Variants in LDB2 observed in about 807,000 individuals in gnomAD.
LDB2 encodes LIM domain binding 2, also known as LIM domain-binding protein 2.
In LDB2, 12 loss-of-function variants were observed where a neutral mutation model predicts 44.3. The observed-to-expected ratio is 0.27, with a 90% CI of 0.17 to 0.44. The LOEUF (loss-of-function observed/expected upper bound fraction) is 0.44, where lower values mean the gene tolerates loss of function less well. Among genes scored for constraint, LDB2 ranks in the 20% least tolerant of loss-of-function variants. The probability of loss-of-function intolerance (pLI) is 1.00; values close to 1 mark genes in which losing one functional copy is unlikely to be tolerated. For missense variants in LDB2, 344 were observed against 473.5 expected (o/e 0.73, Z 2.54); for synonymous variants, 164 against 174.8 (o/e 0.94, Z 0.49).
At chr4:16,600,944 GC>G (rs1319581930) in intron 2 of LDB2, among the ~76,000 whole-genome samples, 1 of 152,026 alleles carries the variant, frequency 6.6e-6, no homozygotes, top group Non-Finnish European at 1.5e-5. Context: ...CAGAAGGTCT[GC>G]CTTTTAGAGC....
At position 16,589,604 on chromosome 4, in the gene LDB2, T is replaced by A. The variant is rs187811290; in HGVS notation, c.409-772A>T. Among the ~76,000 whole-genome samples the A allele has an allele frequency of 2.7e-3, 408 of 152,336 alleles. 1 individual carries two copies. The highest frequency in any genetic ancestry group is 9.6e-3 in the African/African-American group (399 of 41,584). ...TTTGATATTCATAGCATTTTTAGCA[T>A]GTAGTTCCTATTTTATTTACCATTC... is the stretch of plus-strand genomic sequence containing the variant. On this transcript the variant is annotated intron_variant, in intron 3 of 7. Transcript: ENST00000304523.
Position 16,737,080 on chromosome 4 carries a change from G to A in LDB2, c.235+22078C>T, listed in dbSNP as rs561732727. Among the ~76,000 whole-genome samples the A allele has an allele frequency of 2.5e-4, 38 of 152,258 alleles. No individual in the cohort carries two copies. In the South Asian group the frequency reaches 7.5e-3, roughly 30 times the overall value. ...ATGTATTTTTTTTGTAACAATAACTGCTGCTGCTAAGAGTAAAGTGGACTT... is the reference window on the plus strand; with the variant it reads ...ATGTATTTTTTTTGTAACAATAACTACTGCTGCTAAGAGTAAAGTGGACTT... On this transcript the variant is annotated intron_variant, in intron 2 of 7. Coordinates refer to ENST00000304523, the MANE Select transcript of LDB2 (RefSeq NM_001290.5).
At chr4:16,584,032 G>T (rs867399873) in intron 5 of LDB2, among the ~76,000 whole-genome samples, 1 of 152,160 alleles carries the variant, frequency 6.6e-6, no homozygotes, top group African/African-American at 2.4e-5. Flanking sequence ...GAATCACGAC[G>T]CACAAGTCAG....
In LDB2 at chr4:16,876,789, A is replaced by G. The variant is rs141244334; in HGVS notation, c.132+21565T>C. ...AGCAAAAACAAGGCTATTTCTAGAAATAAGTATTGCCATCGATCCTCAAAA... is the reference window on the plus strand; with the variant it reads ...AGCAAAAACAAGGCTATTTCTAGAAGTAAGTATTGCCATCGATCCTCAAAA... On this transcript the variant is annotated intron_variant, in intron 1 of 7. Transcript: ENST00000304523. Among the ~76,000 whole-genome samples, 244 of 152,300 alleles carry G rather than the reference A, an allele frequency of 1.6e-3. 2 individuals carry two copies. The highest frequency in any genetic ancestry group is 6.8e-3 in the Middle Eastern group (2 of 294).
intron 1 of LDB2, among the ~76,000 whole-genome samples, chr4:16,786,141 T>G (rs1774372571): frequency 1.3e-5 from 2 of 152,224 alleles, no homozygotes; most frequent in African/African-American, 2.4e-5. Flanking sequence ...TCAGCCAGAA[T>G]GTAACTGACA....
chr4:16,719,086 A>AG (rs1220778708), intron 2 of LDB2, among the ~76,000 whole-genome samples: 5 of 151,318 alleles, frequency 3.3e-5, no homozygotes, highest in African/African-American at 9.7e-5. Flanking sequence ...CAAAAGAAGA[A>AG]AAAAAAAAAC....
chr4:16,583,525 T>A (rs1715549120), intron 5 of LDB2, among the ~76,000 whole-genome samples: 1 of 152,234 alleles, frequency 6.6e-6, no homozygotes, highest in African/African-American at 2.4e-5. Flanking sequence ...AAGGCAACTT[T>A]ATACATGAAT....
chr4:16,754,959 C>A (rs796797808), intron 2 of LDB2, among the ~76,000 whole-genome samples: 2 of 152,228 alleles, frequency 1.3e-5, no homozygotes, highest in Admixed American at 1.3e-4. Flanking sequence ...CACCATCCAG[C>A]CTCTCAGCCC....
chr4:16,543,181 A>G (rs1294202235), intron 5 of LDB2, among the ~76,000 whole-genome samples: 2 of 152,168 alleles, frequency 1.3e-5, no homozygotes, highest in Admixed American at 1.3e-4. Context: ...ATTGATGGAC[A>G]TTTGGGTTGG....
chr4:16,742,419 C>G (rs1264830709), intron 2 of LDB2, among the ~76,000 whole-genome samples: 1 of 152,192 alleles, frequency 6.6e-6, no homozygotes, highest in Non-Finnish European at 1.5e-5. Flanking sequence ...CTACAACCAA[C>G]TCCAGCTGGT....
intron 2 of LDB2, among the ~76,000 whole-genome samples, chr4:16,725,917 TATAC>T (rs1311276413): frequency 1.3e-5 from 2 of 148,406 alleles, no homozygotes; most frequent in Non-Finnish European, 3.0e-5. Context: ...TATATATATG[TATAC>T]ATAATGTATA....
chr4:16,594,489 C>G (rs907128540), intron 3 of LDB2, among the ~76,000 whole-genome samples: 4 of 152,124 alleles, frequency 2.6e-5, no homozygotes, highest in Non-Finnish European at 4.4e-5. Context: ...AAAACCCTAC[C>G]CTTTCCTACA....
chr4:16,561,530 C>A (rs1269123704), intron 5 of LDB2, among the ~76,000 whole-genome samples: 1 of 152,102 alleles, frequency 6.6e-6, no homozygotes, highest in Non-Finnish European at 1.5e-5. Flanking sequence ...AGGACCTCTT[C>A]AAGGAGAACT....
At chr4:16,611,988 A>G (rs1447401837) in intron 2 of LDB2, among the ~76,000 whole-genome samples, 3 of 152,204 alleles carry the variant, frequency 2.0e-5, no homozygotes, top group Non-Finnish European at 4.4e-5. Context: ...AGCAAATGCA[A>G]AAGAACGGAA....
intron 2 of LDB2, among the ~76,000 whole-genome samples, chr4:16,666,371 C>T (rs1578608776): frequency 6.6e-6 from 1 of 152,168 alleles, no homozygotes; most frequent in East Asian, 1.9e-4. Flanking sequence ...AAAGGCTACG[C>T]TGAGAAGAAA....
At chr4:16,723,095 T>G (rs1425993745) in intron 2 of LDB2, among the ~76,000 whole-genome samples, 1 of 152,174 alleles carries the variant, frequency 6.6e-6, no homozygotes, top group East Asian at 1.9e-4. Flanking sequence ...TAATATAGCA[T>G]GTAAGCTGCA....
intron 2 of LDB2, among the ~76,000 whole-genome samples, chr4:16,704,641 G>A (rs1457094416): frequency 6.6e-6 from 1 of 152,138 alleles, no homozygotes; most frequent in African/African-American, 2.4e-5. Flanking sequence ...TGATAGACTG[G>A]GCTGTTGGTT....
intron 1 of LDB2, among the ~76,000 whole-genome samples, chr4:16,796,326 C>T (rs1776738455): frequency 6.6e-6 from 1 of 152,176 alleles, no homozygotes; most frequent in Non-Finnish European, 1.5e-5. Context: ...TTAGTATACA[C>T]ACATATGTTT....
At chr4:16,664,133 G>T (rs1285543348) in intron 2 of LDB2, among the ~76,000 whole-genome samples, 2 of 152,194 alleles carry the variant, frequency 1.3e-5, no homozygotes, top group African/African-American at 4.8e-5. Context: ...GGTATTAGGA[G>T]GCTGGGTCTT....
Sources: allele counts gnomAD v4.1 joint callset (sites outside exome capture counted in the v4.1 genomes callset), GRCh38; gene constraint gnomAD v4.1.1; transcripts MANE v1.5; gene names NCBI Gene and HGNC (gene_info 2026-07-23, HGNC 2026-07-21).